Variants in ZNF346 observed in about 807,000 individuals in gnomAD.
ZNF346 encodes zinc finger protein 346.
ZNF346 carries 23 observed loss-of-function variants against 33.7 expected under a neutral mutation model. That is an observed-to-expected ratio of 0.68 (90% CI 0.49 to 0.97). ZNF346 has a LOEUF of 0.97. ZNF346 is among the 50% of genes least tolerant of loss of function. The pLI is 0.00. For missense variants in ZNF346, 340 were observed against 371.1 expected, an observed-to-expected ratio of 0.92 and a Z score of 0.69; for synonymous variants, 134 against 142.4, an observed-to-expected ratio of 0.94 and a Z score of 0.42.
At chr5:177,070,214 G>C (rs1783438258), downstream of ZNF346, among the ~76,000 whole-genome samples, 1 of 152,116 alleles carries the variant, frequency 6.6e-6, no homozygotes, top group South Asian at 2.1e-4. Flanking sequence ...GTTAGCACTT[G>C]GTGTTGTCAG....
intron 1 of ZNF346, among the ~76,000 whole-genome samples, chr5:177,033,439 T>G (rs1280057807): frequency 6.6e-6 from 1 of 152,220 alleles, no homozygotes; most frequent in African/African-American, 2.4e-5. Context: ...TGCCTCCTAA[T>G]AAGCTGGGTA....
rs1396142250 is a variant in ZNF346 at position 177,041,841 on chromosome 5, G to A, written c.343G>A (p.Gly115Arg). 3.1e-6 allele frequency: 5 copies of A among 1,613,338 alleles called. No homozygotes were observed. Among genetic ancestry groups the A allele is most frequent in the South Asian group, 1.1e-5 (1 of 91,032 alleles). ...LAIHGMETLKGETKKLDSDQK... is the reference protein window; with the variant it reads ...LAIHGMETLKRETKKLDSDQK... ...AATCCATGGAATGGAGACATTAAAG[G>A]GGGAAACGAAGAAGCTAGACTCAGA... The change falls in exon 3 of 7, where the codon GGG (glycine) becomes AGG (arginine). Residue 115 changes from glycine to arginine, a missense_variant. Physicochemically the swap from Gly to Arg is moderately radical, Grantham distance 125. Transcript: ENST00000358149.
intron 5 of ZNF346, among the ~76,000 whole-genome samples, chr5:177,053,247 T>C (rs769203652): frequency 7.5e-6 from 1 of 133,148 alleles, no homozygotes; most frequent in Non-Finnish European, 1.5e-5. Flanking sequence ...ACCCGGGAGG[T>C]GGAGGTTGCA....
At position 177,023,296 on chromosome 5, in the gene ZNF346, T is replaced by G. The variant is rs967412672; in HGVS notation, c.175+383T>G. On this transcript the variant is annotated intron_variant, in intron 1 of 6. Coordinates refer to ENST00000358149, the MANE Select transcript of ZNF346 (RefSeq NM_012279.4). Reference sequence around the variant, plus strand: ...TCCCCATCGTCCCAATCTCCAGATTTCCTCCTAGGGCCTCTCGCCTCCCTT... The same window carrying G: ...TCCCCATCGTCCCAATCTCCAGATTGCCTCCTAGGGCCTCTCGCCTCCCTT... The G allele has an allele frequency of 2.5e-6, 3 of 1,210,616 alleles. No individual in the cohort carries two copies. In the African/African-American group the frequency reaches 4.5e-5, roughly 18 times the overall value. The allele number at this position is 1,210,616 out of a possible 1,614,324, so 75.0% of individuals were successfully genotyped here. A position where few individuals can be genotyped will look rare whatever the true frequency, so the allele number is the denominator to read the frequency against.
rs1783209606 is a variant in ZNF346, at chr5:177,066,797, GC to G, written c.*2200del. On this transcript the variant is annotated 3_prime_UTR_variant, in exon 7 of 7. Transcript: ENST00000358149. ...TTGAAGGCTGGGCGCCGTGGCTCAC[GC>G]CTGTAATCCAAGCACTTTGAGAGGC... is the stretch of plus-strand genomic sequence containing the variant. 6.6e-6 allele frequency among the ~76,000 whole-genome samples: 1 copy of G among 151,218 alleles called. No individual in the cohort carries two copies. Among genetic ancestry groups the G allele is most frequent in the Non-Finnish European group, 1.5e-5 (1 of 67,918 alleles).
chr5:177,052,196 C>G (rs1223724280), intron 5 of ZNF346, among the ~76,000 whole-genome samples: 1 of 148,654 alleles, frequency 6.7e-6, no homozygotes. Flanking sequence ...TTGAGACAGT[C>G]TCACTCTGTC....
chr5:177,054,232 T>G (rs2149679084), intron 5 of ZNF346, among the ~76,000 whole-genome samples: 1 of 151,898 alleles, frequency 6.6e-6, no homozygotes, highest in East Asian at 1.9e-4. Context: ...CCACCACACC[T>G]GGCTACTTTT....
intron 4 of ZNF346, among the ~76,000 whole-genome samples, chr5:177,046,772 A>G (rs1780096738): frequency 1.3e-5 from 2 of 152,108 alleles, no homozygotes; most frequent in African/African-American, 4.8e-5. Context: ...CGTTTTGTGT[A>G]TATCTAGGTT....
At chr5:177,076,294 A>G (rs1466194474) in intron 8 of ZNF346, among the ~76,000 whole-genome samples, 1 of 152,248 alleles carries the variant, frequency 6.6e-6, no homozygotes, top group African/African-American at 2.4e-5. Flanking sequence ...TTGTTGAGAG[A>G]AATGTAGGTC....
chr5:177,062,586 C>A (rs1782683623), intron 6 of ZNF346, among the ~76,000 whole-genome samples: 1 of 146,472 alleles, frequency 6.8e-6, no homozygotes, highest in Non-Finnish European at 1.5e-5. Context: ...CCAAGACAGA[C>A]CCAGTCTCTG....
intron 1 of ZNF346, among the ~76,000 whole-genome samples, chr5:177,038,244 A>T: frequency 6.9e-6 from 1 of 145,182 alleles, no homozygotes; most frequent in African/African-American, 2.6e-5. Flanking sequence ...ATGCGCCACC[A>T]TGCCCAACTA....
rs890284281 is a variant in ZNF346, at chr5:177,066,632, C to T, written c.*2033C>T. Among the ~76,000 whole-genome samples the T allele has an allele frequency of 1.3e-5, 2 of 151,722 alleles. No homozygotes were observed. The highest frequency in any genetic ancestry group is 4.8e-5 in the African/African-American group (2 of 41,262). ...CCTATAGTCCCAGCTGCTCAGGAGG[C>T]TAAGGCAGAAAGACCATTCAAGCCC... is the stretch of plus-strand genomic sequence containing the variant. On this transcript the variant is annotated 3_prime_UTR_variant, in exon 7 of 7. Coordinates refer to ENST00000358149, the MANE Select transcript of ZNF346 (RefSeq NM_012279.4).
intron 1 of ZNF346, among the ~76,000 whole-genome samples, chr5:177,034,011 A>G (rs1285315765): frequency 6.6e-6 from 1 of 151,968 alleles, no homozygotes; most frequent in Non-Finnish European, 1.5e-5. Context: ...CCACTTGAGT[A>G]GCAGGGATAA....
chr5:177,043,430 T>G (rs6870999), intron 3 of ZNF346, among the ~76,000 whole-genome samples: 28,943 of 152,038 alleles, frequency 0.19, 3,864 homozygotes, highest in East Asian at 0.51. Flanking sequence ...TATGTAGTCT[T>G]GAAATACATG....
intron 4 of ZNF346, among the ~76,000 whole-genome samples, chr5:177,047,399 G>A (rs1321761291): frequency 3.3e-5 from 5 of 150,798 alleles, no homozygotes; most frequent in African/African-American, 7.3e-5. Context: ...GTGAAATGGC[G>A]CAATCTCAGC....
chr5:177,027,700 G>A (rs1163143489), intron 1 of ZNF346, among the ~76,000 whole-genome samples: 2 of 149,654 alleles, frequency 1.3e-5, no homozygotes, highest in Admixed American at 1.3e-4. Context: ...TAGAGACAGG[G>A]TCTCTGTTGC....
chr5:177,057,593 C>T (rs897572006), intron 5 of ZNF346, among the ~76,000 whole-genome samples: 5 of 151,864 alleles, frequency 3.3e-5, no homozygotes, highest in Non-Finnish European at 7.4e-5. Context: ...AAAAAATTAG[C>T]TGGGCATGGT....
chr5:177,048,435 A>G (rs1431734920), intron 4 of ZNF346, among the ~76,000 whole-genome samples: 3 of 152,186 alleles, frequency 2.0e-5, no homozygotes, highest in African/African-American at 4.8e-5. Context: ...CAGCCTGACC[A>G]ACATGGAGAA....
At chr5:177,048,871 C>T (rs1225376232) in intron 4 of ZNF346, among the ~76,000 whole-genome samples, 6 of 151,016 alleles carry the variant, frequency 4.0e-5, no homozygotes, top group Non-Finnish European at 5.9e-5. Context: ...CTGCAGCCTC[C>T]GCCCACCTGT....
Sources: gnomAD v4.1 joint callset for allele counts (sites outside exome capture counted in the v4.1 genomes callset) on GRCh38, gnomAD v4.1.1 for gene constraint, MANE v1.5 for transcripts, NCBI Gene and HGNC (gene_info 2026-07-23, HGNC 2026-07-21) for gene names.